The following KSR2 variants were observed in gnomAD, a reference collection of about 807,000 sequenced individuals.
KSR2 encodes the protein kinase suppressor of ras 2.
Under a neutral mutation model 107.8 loss-of-function variants are expected in KSR2, and 25 were observed. The ratio of observed to expected loss-of-function variants is 0.23; its 90% CI spans 0.17 to 0.32. KSR2 has a LOEUF of 0.32. Among genes scored for constraint, KSR2 ranks in the 10% least tolerant of loss-of-function variants. The pLI is 1.00. For missense variants in KSR2, 887 were observed against 1,268.9 expected, an observed-to-expected ratio of 0.70 and a Z score of 4.57; for synonymous variants, 480 against 507.0, an observed-to-expected ratio of 0.95 and a Z score of 0.71.
At chr12:117,811,458 CAT>C (rs1891187955) in intron 3 of KSR2, among the ~76,000 whole-genome samples, 1 of 152,250 alleles carries the variant, frequency 6.6e-6, no homozygotes, top group Non-Finnish European at 1.5e-5. Context: ...CCGCCCCAGA[CAT>C]ATGGAGTCAG....
chr12:117,667,728 C>T (rs1884727218), intron 4 of KSR2, 70 bp from the exon 5 acceptor site: 2 of 1,339,688 alleles, frequency 1.5e-6, no homozygotes, highest in African/African-American at 1.5e-5. Context: ...GCAGGGAGGC[C>T]CAGCCTTGTG....
intron 7 of KSR2, among the ~76,000 whole-genome samples, chr12:117,566,222 T>TGAC (rs1424248757): frequency 1.3e-5 from 2 of 152,096 alleles, no homozygotes; most frequent in Admixed American, 6.6e-5. Flanking sequence ...CCAGTTCGAG[T>TGAC]GACTCTCCTG....
intron 4 of KSR2, among the ~76,000 whole-genome samples, chr12:117,714,122 C>A (rs1886891357): frequency 6.6e-6 from 1 of 152,112 alleles, no homozygotes; most frequent in African/African-American, 2.4e-5. Flanking sequence ...AATATTCATT[C>A]AAATGCCTGT....
intron 1 of KSR2, among the ~76,000 whole-genome samples, chr12:117,911,655 G>A (rs190080613): frequency 6.6e-6 from 1 of 151,674 alleles, no homozygotes; most frequent in Non-Finnish European, 1.5e-5. Context: ...TTCCTTAGAA[G>A]CCCATGTCCT....
intron 7 of KSR2, among the ~76,000 whole-genome samples, chr12:117,573,136 C>T (rs1446165581): frequency 6.6e-6 from 1 of 152,138 alleles, no homozygotes; most frequent in African/African-American, 2.4e-5. Flanking sequence ...TTCAGAATGC[C>T]AACAAGACAG....
chr12:117,586,183 G>T (rs1055680554), intron 5 of KSR2, among the ~76,000 whole-genome samples: 1 of 152,154 alleles, frequency 6.6e-6, no homozygotes, highest in Non-Finnish European at 1.5e-5. Flanking sequence ...GCTCCCTGAC[G>T]GATGAGCTAG....
At chr12:117,533,950 AT>A (rs1286361830) in intron 10 of KSR2, among the ~76,000 whole-genome samples, 1 of 152,182 alleles carries the variant, frequency 6.6e-6, no homozygotes, top group Non-Finnish European at 1.5e-5. Flanking sequence ...GAAGAAAGAC[AT>A]TGTTGGGAGA....
At chr12:117,697,192 A>G (rs1886103165) in intron 4 of KSR2, among the ~76,000 whole-genome samples, 1 of 152,156 alleles carries the variant, frequency 6.6e-6, no homozygotes, top group African/African-American at 2.4e-5. Context: ...ACTTAATAAT[A>G]TGAGCTCTTT....
chr12:117,705,557 C>T (rs566772872), intron 4 of KSR2, among the ~76,000 whole-genome samples: 1 of 152,322 alleles, frequency 6.6e-6, no homozygotes, highest in South Asian at 2.1e-4. Flanking sequence ...ACAGCCCCAG[C>T]CTCAACTTGG....
chr12:117,819,950 A>C (rs1371267879), intron 3 of KSR2, among the ~76,000 whole-genome samples: 1 of 152,258 alleles, frequency 6.6e-6, no homozygotes, highest in East Asian at 1.9e-4. Flanking sequence ...AAAAGGTTTT[A>C]TAATTAAAAT....
chr12:117,486,455 T>G (rs1251968816), intron 14 of KSR2, among the ~76,000 whole-genome samples: 1 of 152,154 alleles, frequency 6.6e-6, no homozygotes, highest in African/African-American at 2.4e-5. Context: ...AATTCTAGAT[T>G]CATCATAGCA....
rs113449243 is a variant in KSR2 at position 117,651,318 on chromosome 12, A to G, written c.1171+16156T>C. 3.8e-3 allele frequency among the ~76,000 whole-genome samples: 575 copies of G among 152,282 alleles called. 4 individuals carry two copies. Among genetic ancestry groups the G allele is most frequent in the African/African-American group, 0.013 (540 of 41,548 alleles). ...ACCCCCAATACCCCTGTTTGCTTCTAGACCTATAACCACACTCAAGTCCCA... is the reference window on the plus strand; with the variant it reads ...ACCCCCAATACCCCTGTTTGCTTCTGGACCTATAACCACACTCAAGTCCCA... On this transcript the variant is annotated intron_variant, in intron 5 of 19. Transcript: ENST00000339824.
chr12:117,520,483 T>C (rs1210737980), intron 14 of KSR2, among the ~76,000 whole-genome samples: 1 of 152,136 alleles, frequency 6.6e-6, no homozygotes, highest in African/African-American at 2.4e-5. Context: ...GCAACCCTAA[T>C]ATGGTGATCT....
At chr12:117,469,393 C>T (rs1871307228) in intron 19 of KSR2, among the ~76,000 whole-genome samples, 1 of 152,058 alleles carries the variant, frequency 6.6e-6, no homozygotes, top group African/African-American at 2.4e-5. Flanking sequence ...TCAGACTCAT[C>T]GGGGCATCAA....
chr12:117,519,275 C>A (rs1016757744), intron 14 of KSR2, among the ~76,000 whole-genome samples: 3 of 152,072 alleles, frequency 2.0e-5, no homozygotes, highest in Admixed American at 1.3e-4. Context: ...AAGGTGTGCC[C>A]GAAGCTCTTG....
chr12:117,490,951 C>T (rs1872713209), intron 14 of KSR2, among the ~76,000 whole-genome samples: 2 of 152,148 alleles, frequency 1.3e-5, no homozygotes, highest in South Asian at 4.1e-4. Context: ...AATCTACTCC[C>T]TCAGCAATTT....
At chr12:117,772,314 GCA>G (rs1889512610) in intron 3 of KSR2, among the ~76,000 whole-genome samples, 1 of 85,990 alleles carries the variant, frequency 1.2e-5, no homozygotes, top group Non-Finnish European at 2.3e-5. Flanking sequence ...CCCCAAAGAC[GCA>G]CAAACACACA....
intron 3 of KSR2, among the ~76,000 whole-genome samples, chr12:117,850,990 T>C (rs948305058): frequency 1.3e-5 from 2 of 152,154 alleles, no homozygotes; most frequent in Non-Finnish European, 2.9e-5. Flanking sequence ...AGCATTAAAA[T>C]GTTTTTAAGT....
At chr12:117,655,816 G>C (rs73413147) in intron 5 of KSR2, among the ~76,000 whole-genome samples, 14,009 of 152,216 alleles carry the variant, frequency 0.092, 940 homozygotes, top group East Asian at 0.3. Flanking sequence ...AAACCAGTCT[G>C]CTACTCCACA....
Sources: allele counts gnomAD v4.1 joint callset (sites outside exome capture counted in the v4.1 genomes callset), GRCh38; gene constraint gnomAD v4.1.1; transcripts MANE v1.5; gene names NCBI Gene and HGNC (gene_info 2026-07-23, HGNC 2026-07-21).